DENND5B: variants seen among roughly 807,000 people sequenced by gnomAD.
DENND5B encodes the protein DENN domain containing 5B.
Under a neutral mutation model 140.6 loss-of-function variants are expected in DENND5B, and 34 were observed. The observed-to-expected ratio is 0.24, with a 90% CI of 0.18 to 0.32. DENND5B has a LOEUF of 0.32. Among genes scored for constraint, DENND5B ranks in the 10% least tolerant of loss-of-function variants. The probability of loss-of-function intolerance (pLI) is 1.00; values close to 1 mark genes in which losing one functional copy is unlikely to be tolerated. For missense variants in DENND5B, 1,142 were observed against 1,560.2 expected (o/e 0.73, Z 4.52); for synonymous variants, 551 against 562.1 (o/e 0.98, Z 0.28).
At chr12:31,464,975 G>A (rs1423022845) in intron 3 of DENND5B, 1 of 148,502 alleles carries the variant, frequency 6.7e-6, no homozygotes, top group Admixed American at 6.7e-5. Flanking sequence ...TCTAAGGCAT[G>A]TAAAATGAAA....
intron 13 of DENND5B, among the ~76,000 whole-genome samples, chr12:31,412,471 G>T (rs1301701991): frequency 6.6e-6 from 1 of 152,134 alleles, no homozygotes; most frequent in African/African-American, 2.4e-5. Context: ...AGTCATTAGA[G>T]TCTCATAAGG....
intron 1 of DENND5B, among the ~76,000 whole-genome samples, chr12:31,551,526 G>C (rs960530610): frequency 3.9e-5 from 6 of 152,156 alleles, no homozygotes; most frequent in Non-Finnish European, 7.4e-5. Flanking sequence ...TTTTGGCTTA[G>C]GATTGACTCG....
intron 1 of DENND5B, among the ~76,000 whole-genome samples, chr12:31,549,662 T>C (rs189529664): frequency 1.3e-5 from 2 of 152,228 alleles, no homozygotes; most frequent in Non-Finnish European, 1.5e-5. Flanking sequence ...TTAAGCCCAG[T>C]ATGCACTAAA....
intron 1 of DENND5B, among the ~76,000 whole-genome samples, chr12:31,538,289 A>T (rs1262392): frequency 0.081 from 12,268 of 152,210 alleles, 1,121 homozygotes; most frequent in African/African-American, 0.23. Context: ...TAAAACATTT[A>T]AAAAAACTGA....
At chr12:31,534,787 A>T in intron 1 of DENND5B, 1 of 433,130 alleles carries the variant, frequency 2.3e-6, no homozygotes, top group Admixed American at 2.8e-5. Context: ...TCCTCCTGGC[A>T]ATATCAAATG....
At chr12:31,395,190 C>A (rs557560707) in intron 17 of DENND5B, among the ~76,000 whole-genome samples, 3 of 152,070 alleles carry the variant, frequency 2.0e-5, no homozygotes, top group African/African-American at 7.2e-5. Flanking sequence ...GCCAAGCGTA[C>A]GGTAAGTGTG....
At chr12:31,585,618 T>C (rs1040361046) in intron 1 of DENND5B, among the ~76,000 whole-genome samples, 7 of 152,224 alleles carry the variant, frequency 4.6e-5, no homozygotes, top group African/African-American at 1.2e-4. Flanking sequence ...AAATGTAATC[T>C]GAGAGGGCCC....
intron 1 of DENND5B, among the ~76,000 whole-genome samples, chr12:31,578,126 CAAAAAAAAAAAAA>C (rs5797421): frequency 2.6e-5 from 2 of 77,356 alleles, no homozygotes; most frequent in Non-Finnish European, 4.8e-5. Context: ...GACGCTGTCT[CAAAAAAAAAAAAA>C]AAAAAAAAAA....
At position 31,574,295 on chromosome 12, in the gene DENND5B, A is replaced by AATAATAATAATAATAATAATAATT. The variant is rs374578025; in HGVS notation, c.127+16410_127+16411insAATTATTATTATTATTATTATTAT. On this transcript the variant is annotated intron_variant, in intron 1 of 20. Transcript: ENST00000389082. Reference sequence around the variant, plus strand: ...TAATAATAATAATAATAATAATAATAATTTAAAAGGGAGGTGGCCAGGCGC... The same window carrying AATAATAATAATAATAATAATAATT: ...TAATAATAATAATAATAATAATAATAATAATAATAATAATAATAATAATTATTTAAAAGGGAGGTGGCCAGGCGC... Among the ~76,000 whole-genome samples the AATAATAATAATAATAATAATAATT allele has an allele frequency of 4.4e-3, 641 of 144,570 alleles. 7 individuals are homozygous for AATAATAATAATAATAATAATAATT. The highest frequency in any genetic ancestry group is 0.017 in the East Asian group (83 of 4,844). 94.8% of individuals were successfully genotyped at this position (144,570 alleles called of 152,430 possible).
intron 1 of DENND5B, among the ~76,000 whole-genome samples, chr12:31,561,179 C>T (rs1448624374): frequency 6.6e-6 from 1 of 152,196 alleles, no homozygotes; most frequent in African/African-American, 2.4e-5. Flanking sequence ...GTCACAGATA[C>T]ACAGCTGCAC....
intron 7 of DENND5B, among the ~76,000 whole-genome samples, chr12:31,434,613 AG>A (rs1034996807): frequency 5.3e-5 from 8 of 152,170 alleles, no homozygotes; most frequent in African/African-American, 1.9e-4. Flanking sequence ...GCTCCAGCTT[AG>A]TGTGTAAGAC....
chr12:31,555,084 T>C (rs71455671), intron 1 of DENND5B, among the ~76,000 whole-genome samples: 20,427 of 152,262 alleles, frequency 0.13, 1,618 homozygotes, highest in Non-Finnish European at 0.18. Context: ...TCCAGCTTTG[T>C]TCCGTTGCTG....
At chr12:31,401,733 T>A (rs1203257213) in intron 15 of DENND5B, among the ~76,000 whole-genome samples, 2 of 152,136 alleles carry the variant, frequency 1.3e-5, no homozygotes, top group Admixed American at 1.3e-4. Context: ...TGGGCTCAAG[T>A]GACCTCAGCC....
chr12:31,466,458 C>T (rs1168993155), intron 3 of DENND5B, among the ~76,000 whole-genome samples: 2 of 151,898 alleles, frequency 1.3e-5, no homozygotes, highest in Non-Finnish European at 2.9e-5. Flanking sequence ...TCTGGGAGGC[C>T]ACGGCGCGTG....
intron 1 of DENND5B, among the ~76,000 whole-genome samples, chr12:31,502,659 A>G (rs1349280112): frequency 6.6e-6 from 1 of 152,140 alleles, no homozygotes; most frequent in Non-Finnish European, 1.5e-5. Context: ...TGGCCAAGAG[A>G]GCTTGCTATC....
At chr12:31,540,728 A>G (rs997382654) in intron 1 of DENND5B, among the ~76,000 whole-genome samples, 4 of 151,888 alleles carry the variant, frequency 2.6e-5, no homozygotes, top group Non-Finnish European at 4.4e-5. Flanking sequence ...TGGAACCACA[A>G]AAGACCCAGA....
chr12:31,437,261 G>T (rs1054978462), intron 7 of DENND5B, among the ~76,000 whole-genome samples: 1 of 151,598 alleles, frequency 6.6e-6, no homozygotes, highest in Non-Finnish European at 1.5e-5. Flanking sequence ...TCCTGCCTCA[G>T]CCTCCCGAGT....
chr12:31,589,828 G>A (rs1208418705), intron 1 of DENND5B: 1 of 152,136 alleles, frequency 6.6e-6, no homozygotes, highest in Non-Finnish European at 1.5e-5. Context: ...GTTTCTCCCC[G>A]GCCTCCTCTC....
rs1278915378 is a variant in DENND5B at position 31,387,214 on chromosome 12, G to A, written c.*389C>T. On this transcript the variant is annotated 3_prime_UTR_variant, in exon 21 of 21. Coordinates refer to ENST00000389082, the MANE Select transcript of DENND5B (RefSeq NM_144973.4). ...GATACCTGGAGAAAAAAAAAAGCCCGACTGGGTTGCACTATATTTACATGT... is the reference window on the plus strand; with the variant it reads ...GATACCTGGAGAAAAAAAAAAGCCCAACTGGGTTGCACTATATTTACATGT... 1.3e-5 allele frequency: 2 copies of A among 156,414 alleles called. No individual in the cohort carries two copies. The highest frequency in any genetic ancestry group is 2.8e-5 in the Non-Finnish European group (2 of 71,150). 9.7% of individuals were successfully genotyped at this position (156,414 alleles called of 1,614,324 possible). A position where few individuals can be genotyped will look rare whatever the true frequency, so the allele number is the denominator to read the frequency against.
Sources: allele counts gnomAD v4.1 joint callset (sites outside exome capture counted in the v4.1 genomes callset), GRCh38; gene constraint gnomAD v4.1.1; transcripts MANE v1.5; gene names NCBI Gene and HGNC (gene_info 2026-07-23, HGNC 2026-07-21).